SLC25A37: variants seen among roughly 807,000 people sequenced by gnomAD.
The protein encoded by SLC25A37 is mitoferrin-1.
Under a neutral mutation model 31.0 loss-of-function variants are expected in SLC25A37, and 17 were observed. The ratio of observed to expected loss-of-function variants is 0.55; its 90% CI spans 0.38 to 0.82. The LOEUF is 0.82. Among genes scored for constraint, SLC25A37 ranks in the 40% least tolerant of loss-of-function variants. The pLI is 0.00. For missense variants in SLC25A37, 404 were observed against 465.8 expected (o/e 0.87, Z 1.22); for synonymous variants, 222 against 193.0 (o/e 1.15, Z -1.24).
intron 3 of SLC25A37, among the ~76,000 whole-genome samples, chr8:23,569,300 C>T (rs1802754771): frequency 6.6e-6 from 1 of 152,154 alleles, no homozygotes; most frequent in African/African-American, 2.4e-5. Context: ...TCAGGCTTTA[C>T]ACCGAACCTA....
At chr8:23,542,208 G>A (rs571540828) in intron 1 of SLC25A37, among the ~76,000 whole-genome samples, 2 of 152,128 alleles carry the variant, frequency 1.3e-5, no homozygotes, top group Non-Finnish European at 2.9e-5. Context: ...ATTGCATTTC[G>A]CCCGTGTTTG....
chr8:23,565,716 A>C (rs761311569), intron 1 of SLC25A37, among the ~76,000 whole-genome samples: 1 of 152,194 alleles, frequency 6.6e-6, no homozygotes, highest in African/African-American at 2.4e-5. Context: ...TTCTACATCT[A>C]TCTAGGACTC....
intron 1 of SLC25A37, among the ~76,000 whole-genome samples, chr8:23,549,034 G>A (rs550405046): frequency 6.6e-6 from 1 of 152,106 alleles, no homozygotes; most frequent in Admixed American, 6.5e-5. Flanking sequence ...TGCCCTCATT[G>A]CACCTTCTAC....
At chr8:23,571,311 C>A (rs1485132593) in intron 3 of SLC25A37, 24 bp from the exon 4 acceptor site, 1 of 1,523,290 alleles carries the variant, frequency 6.6e-7, no homozygotes, top group East Asian at 2.4e-5. Context: ...GTCCGTCTGG[C>A]CTGCCCCGCG....
intron 1 of SLC25A37, among the ~76,000 whole-genome samples, chr8:23,544,849 T>G (rs1801993853): frequency 6.6e-6 from 1 of 152,132 alleles, no homozygotes. Context: ...TCCTCTCTGT[T>G]CTGAAATCTT....
At chr8:23,570,345 G>T (rs1274117758) in intron 3 of SLC25A37, among the ~76,000 whole-genome samples, 3 of 137,398 alleles carry the variant, frequency 2.2e-5, no homozygotes, top group African/African-American at 7.9e-5. Context: ...GGCTTGTCCT[G>T]TAATGAATGC....
At chr8:23,546,286 G>A (rs148605964) in intron 1 of SLC25A37, among the ~76,000 whole-genome samples, 93 of 152,064 alleles carry the variant, frequency 6.1e-4, no homozygotes, top group African/African-American at 2.2e-3. Context: ...GGGTGACAGA[G>A]CAAGATCCTG....
chr8:23,545,649 A>G (rs1802016631), intron 1 of SLC25A37, among the ~76,000 whole-genome samples: 1 of 152,204 alleles, frequency 6.6e-6, no homozygotes, highest in African/African-American at 2.4e-5. Context: ...GGGTGGTTAG[A>G]CAATGCCAAG....
At chr8:23,554,216 T>C (rs192859179) in intron 1 of SLC25A37, among the ~76,000 whole-genome samples, 2 of 152,348 alleles carry the variant, frequency 1.3e-5, no homozygotes, top group East Asian at 3.9e-4. Flanking sequence ...TTGCTGTTTT[T>C]ATTGTTATAA....
chr8:23,570,496 A>G (rs1027344662), intron 3 of SLC25A37, among the ~76,000 whole-genome samples: 8 of 152,182 alleles, frequency 5.3e-5, no homozygotes, highest in Non-Finnish European at 8.8e-5. Flanking sequence ...ATTCGCTTAC[A>G]TATTATATAT....
rs1802945967 is a variant in SLC25A37, at chr8:23,574,892, T to C, written c.*3037T>C. 1 of 153,136 alleles carries C rather than the reference T, an allele frequency of 6.5e-6. No individual in the cohort carries two copies. The highest frequency in any genetic ancestry group is 1.5e-5 in the Non-Finnish European group (1 of 68,270). 9.5% of individuals were successfully genotyped at this position (153,136 alleles called of 1,614,324 possible). A position where few individuals can be genotyped will look rare whatever the true frequency, so the allele number is the denominator to read the frequency against. On this transcript the variant is annotated 3_prime_UTR_variant, in exon 4 of 4. Coordinates refer to ENST00000519973, the MANE Select transcript of SLC25A37 (RefSeq NM_016612.4). The stretch of plus-strand genomic sequence containing the variant: ...GCCACCTGAGTACAGCACTCGTACT[T>C]TTACATGATGTGTGTGTGAGTAGCT...
At chr8:23,536,884 C>A (rs1020376144) in intron 1 of SLC25A37, among the ~76,000 whole-genome samples, 2 of 152,184 alleles carry the variant, frequency 1.3e-5, no homozygotes, top group African/African-American at 4.8e-5. Context: ...TCCTTGAGAT[C>A]CCAGACTGCC....
chr8:23,567,171 A>C (rs1426905046), intron 2 of SLC25A37: 1 of 152,082 alleles, frequency 6.6e-6, no homozygotes, highest in African/African-American at 2.4e-5. Context: ...TTTTTTCAAC[A>C]ATGGAGACAT....
chr8:23,550,741 A>G (rs897658806), intron 1 of SLC25A37, among the ~76,000 whole-genome samples: 1 of 152,216 alleles, frequency 6.6e-6, no homozygotes, highest in Non-Finnish European at 1.5e-5. Context: ...CTAGGTGTAC[A>G]GTTTGGGGAG....
intron 1 of SLC25A37, among the ~76,000 whole-genome samples, chr8:23,560,558 T>C (rs552694706): frequency 9.9e-5 from 15 of 152,136 alleles, no homozygotes; most frequent in African/African-American, 2.7e-4. Flanking sequence ...GTGGAAGAAA[T>C]GATGGTGCTG....
rs534838630 is a variant in SLC25A37 at position 23,570,946 on chromosome 8, G to T, written c.497-389G>T. On this transcript the variant is annotated intron_variant, in intron 3 of 3. Coordinates refer to ENST00000519973, the MANE Select transcript of SLC25A37 (RefSeq NM_016612.4). Reference sequence around the variant, plus strand: ...GTTGGGGAAGGAGGAGGGCAGAGGGGACAGGGGACAGGATTCAGCTTTGTG... The same window carrying T: ...GTTGGGGAAGGAGGAGGGCAGAGGGTACAGGGGACAGGATTCAGCTTTGTG... 2.0e-5 allele frequency among the ~76,000 whole-genome samples: 3 copies of T among 152,266 alleles called. No homozygotes were observed. The South Asian group carries it at 6.2e-4, about 32-fold the overall frequency.
At chr8:23,544,102 C>G (rs927174802) in intron 1 of SLC25A37, among the ~76,000 whole-genome samples, 1 of 151,964 alleles carries the variant, frequency 6.6e-6, no homozygotes, top group Non-Finnish European at 1.5e-5. Flanking sequence ...TCAAGTGATC[C>G]ACCTGCCCTA....
chr8:23,562,013 G>A (rs1378713517), intron 1 of SLC25A37, among the ~76,000 whole-genome samples: 4 of 152,202 alleles, frequency 2.6e-5, no homozygotes, highest in African/African-American at 9.7e-5. Flanking sequence ...TCCATGCTCT[G>A]TGTTTGTTCA....
In SLC25A37 at chr8:23,571,826, C is replaced by T. The variant is rs775087976; in HGVS notation, c.988C>T (p.Arg330Cys). The T allele has an allele frequency of 1.1e-5, 17 of 1,611,392 alleles. No homozygotes were observed. The highest frequency in any genetic ancestry group is 1.6e-4 in the Middle Eastern group (1 of 6,072). ...GTTCTTCAAGTACTTTCTCACCAAG[C>T]GCCAGCTGGAAAATCGAGCTCCATA... ...YEFFKYFLTK[R>C]QLENRAPY The change falls in exon 4 of 4, where the codon CGC becomes TGC. Residue 330 changes from arginine to cysteine, a missense_variant. By Grantham distance (180) the Arg-to-Cys change is radical (BLOSUM62 -3). Transcript: ENST00000519973.
Sources: allele counts gnomAD v4.1 joint callset (sites outside exome capture counted in the v4.1 genomes callset), GRCh38; gene constraint gnomAD v4.1.1; transcripts MANE v1.5; gene names NCBI Gene and HGNC (gene_info 2026-07-23, HGNC 2026-07-21).